Variants in DSE observed in about 807,000 individuals in gnomAD.
DSE encodes dermatan-sulfate epimerase.
In DSE, 36 loss-of-function variants were observed where a neutral mutation model predicts 84.4. The ratio of observed to expected loss-of-function variants is 0.43; its 90% confidence interval spans 0.33 to 0.56. The LOEUF (loss-of-function observed/expected upper bound fraction) is 0.56, where lower values mean the gene tolerates loss of function less well. DSE is among the 20% of genes least tolerant of loss of function. The pLI, the probability that DSE is intolerant of heterozygous loss-of-function variation, is 0.06. For missense variants in DSE, 862 were observed against 1,169.6 expected (o/e 0.74, Z 3.84); for synonymous variants, 410 against 430.1 (o/e 0.95, Z 0.58).
At position 116,437,222 on chromosome 6, in the gene DSE, G is replaced by A; in HGVS notation, c.2754G>A (p.Met918Ile). 6.2e-7 allele frequency: 1 copy of A among 1,614,056 alleles called. No homozygotes were observed. Among genetic ancestry groups the A allele is most frequent in the Non-Finnish European group, 8.5e-7 (1 of 1,179,984 alleles). Reference sequence around the variant, plus strand: ...CTATTTTCTTTGTCATGTTGGCAATGCAACTGACTTATTTCCAGAGGGCCC... The same window carrying A: ...CTATTTTCTTTGTCATGTTGGCAATACAACTGACTTATTTCCAGAGGGCCC... Reference protein sequence around the residue: ...NIAIFFVMLAMQLTYFQRAQS... With the variant: ...NIAIFFVMLAIQLTYFQRAQS... Residue 918 changes from methionine (M) to isoleucine (I), a missense_variant, in exon 6 of 6, where the codon ATG becomes ATA. Met to Ile is a conservative substitution (Grantham distance 10, BLOSUM62 1). Coordinates refer to ENST00000644252, the MANE Select transcript of DSE (RefSeq NM_013352.4).
chr6:116,384,778 C>T (rs1780470856), intron 1 of DSE, among the ~76,000 whole-genome samples: 1 of 152,102 alleles, frequency 6.6e-6, no homozygotes, highest in African/African-American at 2.4e-5. Context: ...GCTAGGTACA[C>T]TTTTATGTGC....
chr6:116,388,921 A>G (rs143133644), intron 1 of DSE, among the ~76,000 whole-genome samples: 1 of 152,338 alleles, frequency 6.6e-6, no homozygotes, highest in Non-Finnish European at 1.5e-5. Context: ...GAAGAAGAAA[A>G]CTTTTGGCAT....
intron 2 of DSE, among the ~76,000 whole-genome samples, chr6:116,332,498 A>G (rs1777011539): frequency 1.3e-5 from 2 of 152,154 alleles, no homozygotes; most frequent in Non-Finnish European, 2.9e-5. Flanking sequence ...ATAGGAGGGA[A>G]AAGGTAAGAG....
At chr6:116,383,704 T>C (rs1780393357) in intron 1 of DSE, among the ~76,000 whole-genome samples, 1 of 152,224 alleles carries the variant, frequency 6.6e-6, no homozygotes, top group East Asian at 1.9e-4. Flanking sequence ...CTTACAGTCC[T>C]GGGAGATAGA....
At chr6:116,365,920 AT>A (rs1554218306), upstream of DSE, among the ~76,000 whole-genome samples, 3 of 152,226 alleles carry the variant, frequency 2.0e-5, no homozygotes, top group Non-Finnish European at 4.4e-5. Flanking sequence ...GAGGTAGGGT[AT>A]CACTCACCTT....
chr6:116,319,867 C>G (rs540879171), intron 2 of DSE, among the ~76,000 whole-genome samples: 6 of 152,154 alleles, frequency 3.9e-5, no homozygotes, highest in Non-Finnish European at 7.4e-5. Context: ...CATCTTTGCA[C>G]TTCTGTTCAG....
intron 2 of DSE, among the ~76,000 whole-genome samples, chr6:116,273,182 C>T (rs1223277608): frequency 6.6e-6 from 1 of 152,172 alleles, no homozygotes; most frequent in Non-Finnish European, 1.5e-5. Context: ...CTCTGCCCAT[C>T]AGGTCATATC....
intron 2 of DSE, among the ~76,000 whole-genome samples, chr6:116,308,848 T>C (rs1434919223): frequency 2.0e-5 from 3 of 152,096 alleles, no homozygotes; most frequent in African/African-American, 7.2e-5. Flanking sequence ...CAGCTAATTT[T>C]TTGTGCTGGG....
At chr6:116,426,883 T>C in intron 3 of DSE, 56 bp downstream of exon 3, 2 of 1,554,666 alleles carry the variant, frequency 1.3e-6, no homozygotes, top group Non-Finnish European at 8.7e-7. Context: ...ATAGTTGCCA[T>C]GTTGTGAGCA....
At chr6:116,370,390 T>G (rs1293109153), upstream of DSE, 2 of 877,312 alleles carry the variant, frequency 2.3e-6, no homozygotes, top group Non-Finnish European at 1.4e-6. Flanking sequence ...CGCCCCAAAG[T>G]CCCCCCTCCC....
At chr6:116,409,537 C>T (rs973376370) in intron 2 of DSE, among the ~76,000 whole-genome samples, 1 of 152,168 alleles carries the variant, frequency 6.6e-6, no homozygotes, top group African/African-American at 2.4e-5. Flanking sequence ...CCTTGGCCTC[C>T]CAAAGTGCTG....
intron 2 of DSE, among the ~76,000 whole-genome samples, chr6:116,281,565 AAG>A: frequency 6.6e-6 from 1 of 152,168 alleles, no homozygotes. Context: ...TTTCAATATC[AAG>A]ACCAGAAATA....
intron 1 of DSE, among the ~76,000 whole-genome samples, chr6:116,394,218 G>T (rs1781095639): frequency 6.6e-6 from 1 of 152,196 alleles, no homozygotes; most frequent in Non-Finnish European, 1.5e-5. Context: ...AAGTTTTTCT[G>T]TGTGACTGCT....
Position 116,410,733 on chromosome 6 carries a change from C to CAAAA in DSE, c.416+11097_416+11100dup, listed in dbSNP as rs765969508. ...TGGGCGACAGAGCGAGACTCTGTCT[C>CAAAA]AAAAAAAAAAAAAAAAAAAAAAAAA... On this transcript the variant is annotated intron_variant, in intron 2 of 5. Transcript: ENST00000644252. 8.7e-3 allele frequency among the ~76,000 whole-genome samples: 689 copies of CAAAA among 79,556 alleles called. 44 individuals carry two copies. The highest frequency in any genetic ancestry group is 9.8e-3 in the Non-Finnish European group (435 of 44,302). The allele number at this position is 79,556 out of a possible 152,430, so 52.2% of individuals were successfully genotyped here.
chr6:116,299,596 G>A (rs1774915048), intron 2 of DSE, among the ~76,000 whole-genome samples: 2 of 129,496 alleles, frequency 1.5e-5, no homozygotes, highest in African/African-American at 2.8e-5. Flanking sequence ...GTATGTATAT[G>A]TGTGTGTATA....
intron 5 of DSE, among the ~76,000 whole-genome samples, chr6:116,433,777 C>T (rs1783988842): frequency 1.3e-5 from 2 of 152,194 alleles, no homozygotes; most frequent in South Asian, 4.1e-4. Flanking sequence ...TACAGGGGTA[C>T]ATGTGCAGTA....
chr6:116,436,265 A>C lies in DSE; in HGVS notation c.1797A>C (p.Val599=). The change falls in exon 6 of 6, where the codon GTA becomes GTC. Residue 599 remains valine (V), a synonymous_variant. Transcript: ENST00000644252. ...NVDVPFEETV[V]DGVHGAFIRQ... ...ATGTTCCTTTTGAGGAGACTGTGGTAGATGGTGTCCATGGGGCTTTCATCA... is the reference window on the plus strand; with the variant it reads ...ATGTTCCTTTTGAGGAGACTGTGGTCGATGGTGTCCATGGGGCTTTCATCA... The C allele has an allele frequency of 6.2e-7, 1 of 1,614,172 alleles. No homozygotes were observed. Among genetic ancestry groups the C allele is most frequent in the Non-Finnish European group, 8.5e-7 (1 of 1,180,020 alleles).
chr6:116,388,623 G>A (rs1780706508), intron 1 of DSE, among the ~76,000 whole-genome samples: 1 of 152,180 alleles, frequency 6.6e-6, no homozygotes, highest in Non-Finnish European at 1.5e-5. Context: ...GGCATTTGTG[G>A]AAAGTGGAAA....
chr6:116,257,164 A>C (rs904803882), intron 1 of DSE: 1 of 152,214 alleles, frequency 6.6e-6, no homozygotes, highest in Non-Finnish European at 1.5e-5. Flanking sequence ...TGTTTTCTAT[A>C]TACCATATAC....
Sources: gnomAD v4.1 joint callset for allele counts (sites outside exome capture counted in the v4.1 genomes callset) on GRCh38, gnomAD v4.1.1 for gene constraint, MANE v1.5 for transcripts, NCBI Gene and HGNC (gene_info 2026-07-23, HGNC 2026-07-21) for gene names.